ZNF829: variants seen among roughly 807,000 people sequenced by gnomAD.
ZNF829 encodes the protein zinc finger protein 829.
ZNF829 carries 25 observed loss-of-function variants against 35.2 expected under a neutral mutation model. That is an observed-to-expected ratio of 0.71 (90% confidence interval 0.52 to 0.99). The LOEUF (loss-of-function observed/expected upper bound fraction) is 0.99, where lower values mean the gene tolerates loss of function less well. ZNF829 is among the 50% of genes least tolerant of loss of function. The pLI is 0.00. For missense variants in ZNF829, 417 were observed against 515.3 expected, an observed-to-expected ratio of 0.81 and a Z score of 1.85; for synonymous variants, 136 against 163.2, an observed-to-expected ratio of 0.83 and a Z score of 1.27.
intron 5 of ZNF829, among the ~76,000 whole-genome samples, chr19:36,905,064 C>T (rs1456681484): frequency 6.6e-6 from 1 of 152,176 alleles, no homozygotes; most frequent in Non-Finnish European, 1.5e-5. Flanking sequence ...TAGGTAACAA[C>T]ATCTACTTCT....
At position 36,892,087 on chromosome 19, in the gene ZNF829, G is replaced by C; in HGVS notation, c.704C>G (p.Thr235Ser). 6.2e-7 allele frequency: 1 copy of C among 1,614,074 alleles called. No individual in the cohort carries two copies. The highest frequency in any genetic ancestry group is 8.5e-7 in the Non-Finnish European group (1 of 1,180,010). Residue 235 changes from threonine to serine, a missense_variant, in exon 6 of 6, where the codon ACT becomes AGT. Transcript: ENST00000391711. ...SYFSQHQRIHTGEKPYECKEC... is the reference protein window; with the variant it reads ...SYFSQHQRIHSGEKPYECKEC... ...CTTACATTCATAGGGTTTCTCACCA[G>C]TGTGAATCCTCTGATGTTGAGAAAA... is the stretch of plus-strand genomic sequence containing the variant.
At chr19:36,897,253 A>G (rs1289852070) in intron 5 of ZNF829, among the ~76,000 whole-genome samples, 1 of 152,192 alleles carries the variant, frequency 6.6e-6, no homozygotes, top group Admixed American at 6.5e-5. Flanking sequence ...ACACAACAAC[A>G]ACAACAAAAA....
At chr19:36,910,718 A>T (rs1029040547) in intron 3 of ZNF829, among the ~76,000 whole-genome samples, 5 of 152,208 alleles carry the variant, frequency 3.3e-5, no homozygotes, top group African/African-American at 9.6e-5. Flanking sequence ...TAATAAAACT[A>T]TAATCAGGCC....
chr19:36,907,176 C>T (rs890503761), intron 5 of ZNF829: 3 of 142,996 alleles, frequency 2.1e-5, no homozygotes, highest in Admixed American at 7.0e-5. Context: ...TAAGAATGAA[C>T]TAACACCAGA....
In ZNF829 at chr19:36,907,993, G is replaced by A. The variant is rs1318249077; in HGVS notation, c.255C>T (p.Ser85=). The change falls in exon 5 of 6, where the codon TCC becomes TCT. Residue 85 remains serine (S), a synonymous_variant. Transcript: ENST00000391711. The stretch of plus-strand genomic sequence containing the variant: ...AGGGCTCTTTTCCTTGTTCCAATAA[G>A]GAGATCACAGCTGGCTTAGAATTGG... ...GLSNSKPAVI[S]LLEQGKEPWM... The A allele has an allele frequency of 1.9e-6, 3 of 1,613,944 alleles. No individual in the cohort carries two copies. The highest frequency in any genetic ancestry group is 4.5e-5 in the East Asian group (2 of 44,872).
At chr19:36,910,224 A>G (rs2073252866) in intron 3 of ZNF829, among the ~76,000 whole-genome samples, 1 of 151,796 alleles carries the variant, frequency 6.6e-6, no homozygotes, top group African/African-American at 2.4e-5. Flanking sequence ...AGCTGGGATT[A>G]CAGGCGCCGG....
At chr19:36,893,886 C>T (rs984340882) in intron 5 of ZNF829, among the ~76,000 whole-genome samples, 2 of 152,158 alleles carry the variant, frequency 1.3e-5, no homozygotes, top group Non-Finnish European at 2.9e-5. Context: ...TATTTGGTCT[C>T]ACTTTGCCCT....
At chr19:36,909,426 G>C (rs1194275895) in intron 3 of ZNF829, among the ~76,000 whole-genome samples, 1 of 152,282 alleles carries the variant, frequency 6.6e-6, no homozygotes, top group Non-Finnish European at 1.5e-5. Flanking sequence ...CCAGAATCTG[G>C]TGTTTTACTT....
chr19:36,901,781 C>A, intron 5 of ZNF829: 1 of 563,782 alleles, frequency 1.8e-6, no homozygotes. Flanking sequence ...GAAAAAGGGC[C>A]GTTCTGCCAT....
chr19:36,902,753 G>A (rs1389155073), intron 5 of ZNF829, among the ~76,000 whole-genome samples: 1 of 148,388 alleles, frequency 6.7e-6, no homozygotes, highest in Non-Finnish European at 1.5e-5. Flanking sequence ...AGTAACTGTT[G>A]GGCCGGGTGC....
At chr19:36,912,685 CA>C (rs1455418551) in intron 3 of ZNF829, 1 of 152,082 alleles carries the variant, frequency 6.6e-6, no homozygotes, top group Non-Finnish European at 1.5e-5. Flanking sequence ...GTTCTGAAAA[CA>C]AATTTTATTT....
chr19:36,914,865 A>C (rs1425045920), intron 3 of ZNF829, 100 bp downstream of exon 3: 24 of 1,106,360 alleles, frequency 2.2e-5, no homozygotes, highest in Non-Finnish European at 3.0e-5. Flanking sequence ...AAGTGGAGCA[A>C]CCATCCTTTT....
intron 5 of ZNF829, among the ~76,000 whole-genome samples, chr19:36,895,020 C>G (rs933671274): frequency 2.0e-5 from 3 of 152,014 alleles, no homozygotes; most frequent in Admixed American, 2.0e-4. Flanking sequence ...AAGTCAAAGA[C>G]AGAGAATTCT....
chr19:36,890,710 G>T lies in ZNF829; in HGVS notation c.*782C>A, dbSNP rs950066565. On this transcript the variant is annotated 3_prime_UTR_variant, in exon 6 of 6. Coordinates refer to ENST00000391711, the MANE Select transcript of ZNF829 (RefSeq NM_001037232.4). ...ACAAAAAAAAAAAAAAAAAAAATTA[G>T]CCGGGCATGGTGGCGCATGCCTGTA... 1 of 147,686 alleles carries T rather than the reference G, an allele frequency of 6.8e-6. No homozygotes were observed. The highest frequency in any genetic ancestry group is 2.5e-5 in the African/African-American group (1 of 40,162). 9.1% of individuals were successfully genotyped at this position (147,686 alleles called of 1,614,324 possible). A position where few individuals can be genotyped will look rare whatever the true frequency, so the allele number is the denominator to read the frequency against.
Position 36,889,278 on chromosome 19 carries a change from T to G in ZNF829, c.*2214A>C, listed in dbSNP as rs1033471952. The G allele has an allele frequency of 2.6e-5, 4 of 152,190 alleles. No individual in the cohort carries two copies. The highest frequency in any genetic ancestry group is 9.7e-5 in the African/African-American group (4 of 41,450). 9.4% of individuals were successfully genotyped at this position (152,190 alleles called of 1,614,324 possible). A position where few individuals can be genotyped will look rare whatever the true frequency, so the allele number is the denominator to read the frequency against. ...TTTTTTTGTGTGTTTTATCCTTGCCTGGCTTCAGTATCAGGATGATACTGG... is the reference window on the plus strand; with the variant it reads ...TTTTTTTGTGTGTTTTATCCTTGCCGGGCTTCAGTATCAGGATGATACTGG... On this transcript the variant is annotated 3_prime_UTR_variant, in exon 6 of 6. Coordinates refer to ENST00000391711, the MANE Select transcript of ZNF829 (RefSeq NM_001037232.4).
intron 3 of ZNF829, among the ~76,000 whole-genome samples, chr19:36,912,462 G>T (rs1181387273): frequency 6.6e-6 from 1 of 152,058 alleles, no homozygotes; most frequent in Non-Finnish European, 1.5e-5. Context: ...AGCAGATTTG[G>T]TTTTTCAGTT....
chr19:36,894,892 C>G (rs1206918480), intron 5 of ZNF829, among the ~76,000 whole-genome samples: 1 of 152,136 alleles, frequency 6.6e-6, no homozygotes, highest in Non-Finnish European at 1.5e-5. Context: ...AACAAAATAA[C>G]TGAAAACTTT....
rs746294315 is a variant in ZNF829, at chr19:36,908,485, A to G, written c.97-26T>C. ...CTGAAACAACAAACATGCTTTCACA[A>G]TGAAAGGAGAAAAGAAAAAGATGGC... On this transcript the variant is annotated intron_variant, in intron 3 of 5. Transcript: ENST00000391711. The G allele has an allele frequency of 1.9e-6, 3 of 1,572,162 alleles. No homozygotes were observed. In the South Asian group the frequency reaches 3.6e-5, roughly 19 times the overall value.
chr19:36,891,496 C>T lies in ZNF829; in HGVS notation c.1295G>A (p.Gly432Asp). The change falls in exon 6 of 6, where the codon GGT (glycine) becomes GAT (aspartate). Residue 432 changes from glycine to aspartate, a missense_variant. Gly to Asp is a moderately conservative substitution (Grantham distance 94). Coordinates refer to ENST00000391711, the MANE Select transcript of ZNF829 (RefSeq NM_001037232.4). ...ATGGTCTTACTTTACTGTCATTCAA[C>T]CAGTATGAATTCCCTCATGGCGAAT... is the stretch of plus-strand genomic sequence containing the variant. ...DLIRHEGIHT[G>D] 1 of 1,544,654 alleles carries T rather than the reference C, an allele frequency of 6.5e-7. No individual in the cohort carries two copies. The highest frequency in any genetic ancestry group is 8.7e-7 in the Non-Finnish European group (1 of 1,150,486).
Sources: allele counts gnomAD v4.1 joint callset (sites outside exome capture counted in the v4.1 genomes callset), GRCh38; gene constraint gnomAD v4.1.1; transcripts MANE v1.5; gene names NCBI Gene and HGNC (gene_info 2026-07-23, HGNC 2026-07-21).